Variants in SLC1A2 observed in about 807,000 individuals in gnomAD.
SLC1A2 encodes solute carrier family 1 member 2.
In SLC1A2, 15 loss-of-function variants were observed where a neutral mutation model predicts 48.8. The observed-to-expected ratio is 0.31, with a 90% CI of 0.21 to 0.47. The LOEUF is 0.47. SLC1A2 is among the 20% of genes least tolerant of loss of function. The pLI, the probability that SLC1A2 is intolerant of heterozygous loss-of-function variation, is 0.99. For synonymous variants in SLC1A2, 279 were observed against 272.6 expected (o/e 1.02, Z -0.23); for missense variants, 502 against 730.5 (o/e 0.69, Z 3.61).
intron 4 of SLC1A2, 50 bp from the exon 5 acceptor site, chr11:35,306,292 G>T: frequency 7.1e-7 from 1 of 1,407,172 alleles, no homozygotes; most frequent in Non-Finnish European, 9.7e-7. Context: ...GGCCTATAAG[G>T]TGAAAAAAAA....
At chr11:35,335,255 C>T (rs956401930) in intron 1 of SLC1A2, among the ~76,000 whole-genome samples, 1 of 152,184 alleles carries the variant, frequency 6.6e-6, no homozygotes, top group African/African-American at 2.4e-5. Context: ...CATACCCAAC[C>T]TCAACCTCAT....
intron 1 of SLC1A2, among the ~76,000 whole-genome samples, chr11:35,331,570 A>C (rs7952042): frequency 0.023 from 3,455 of 152,302 alleles, 116 homozygotes; most frequent in African/African-American, 0.078. Flanking sequence ...ATGTATATTT[A>C]TCACTCTGGT....
chr11:35,387,298 G>T (rs1390156402), intron 1 of SLC1A2, among the ~76,000 whole-genome samples: 1 of 152,108 alleles, frequency 6.6e-6, no homozygotes, highest in African/African-American at 2.4e-5. Flanking sequence ...CTCAGAGAGG[G>T]GCCCAGCTTT....
At chr11:35,373,155 G>T (rs1854112564) in intron 1 of SLC1A2, among the ~76,000 whole-genome samples, 1 of 152,194 alleles carries the variant, frequency 6.6e-6, no homozygotes, top group Non-Finnish European at 1.5e-5. Flanking sequence ...TCTCAGAGAT[G>T]GTGACTTGAT....
At chr11:35,269,032 C>T (rs146227643) in intron 9 of SLC1A2, among the ~76,000 whole-genome samples, 1 of 152,248 alleles carries the variant, frequency 6.6e-6, no homozygotes, top group African/African-American at 2.4e-5. Context: ...TAATCATCTC[C>T]AAGGTGATGG....
intron 1 of SLC1A2, among the ~76,000 whole-genome samples, chr11:35,387,419 C>T (rs1319558180): frequency 6.6e-6 from 1 of 152,162 alleles, no homozygotes; most frequent in Non-Finnish European, 1.5e-5. Flanking sequence ...GAGGCAAGAA[C>T]ATCCCCTACT....
intron 1 of SLC1A2, among the ~76,000 whole-genome samples, chr11:35,335,027 C>A (rs1483401812): frequency 6.6e-6 from 1 of 152,122 alleles, no homozygotes; most frequent in Admixed American, 6.5e-5. Context: ...CATCCAAACC[C>A]AACCCCTTTT....
chr11:35,352,772 G>A (rs978822542), intron 1 of SLC1A2, among the ~76,000 whole-genome samples: 1 of 152,174 alleles, frequency 6.6e-6, no homozygotes, highest in Admixed American at 6.5e-5. Flanking sequence ...GTTCATGCAT[G>A]GCTAAACTGC....
chr11:35,398,856 G>A lies in SLC1A2; in HGVS notation c.17+20094C>T, dbSNP rs543086062. Among the ~76,000 whole-genome samples, 17 of 152,286 alleles carry A rather than the reference G, an allele frequency of 1.1e-4. No individual in the cohort carries two copies. The East Asian group carries it at 1.9e-3, about 17-fold the overall frequency. On this transcript the variant is annotated intron_variant, in intron 1 of 10. Transcript: ENST00000278379. ...TTATCCAGGAATAGAAAGTCGTACC[G>A]CTGCCCAACTGCGTCAGAGGGGCAA... is the stretch of plus-strand genomic sequence containing the variant.
intron 1 of SLC1A2, among the ~76,000 whole-genome samples, chr11:35,390,047 C>T (rs1323330340): frequency 1.3e-5 from 2 of 152,182 alleles, no homozygotes; most frequent in African/African-American, 4.8e-5. Flanking sequence ...TAAATGGTCA[C>T]TATGACATTT....
At chr11:35,403,895 C>T (rs1174313531) in intron 1 of SLC1A2, among the ~76,000 whole-genome samples, 3 of 152,126 alleles carry the variant, frequency 2.0e-5, no homozygotes, top group African/African-American at 7.2e-5. Context: ...AGCAAGGGAA[C>T]ATCTTCATCT....
chr11:35,351,766 G>C (rs990929478), intron 1 of SLC1A2, among the ~76,000 whole-genome samples: 1 of 152,116 alleles, frequency 6.6e-6, no homozygotes, highest in African/African-American at 2.4e-5. Context: ...CTCCTGAGTA[G>C]CTGGGACTAC....
intron 1 of SLC1A2, among the ~76,000 whole-genome samples, chr11:35,415,992 C>A (rs1855592788): frequency 6.6e-6 from 1 of 152,206 alleles, no homozygotes; most frequent in African/African-American, 2.4e-5. Context: ...CTCCGTAATT[C>A]TAGCCATGAC....
rs1950344604 is a variant in SLC1A2 at position 35,258,490 on chromosome 11, C to G, written c.*2404G>C. The G allele has an allele frequency of 6.6e-6, 1 of 152,588 alleles. No individual in the cohort carries two copies. Among genetic ancestry groups the G allele is most frequent in the Admixed American group, 6.5e-5 (1 of 15,282 alleles). The allele number at this position is 152,588 out of a possible 1,614,324, so 9.5% of individuals were successfully genotyped here. ...CCATGTATATAGATCCCAAAGCTGG[C>G]CTTCCATAGCAAAAAACAACAAGCT... is the stretch of plus-strand genomic sequence containing the variant. On this transcript the variant is annotated 3_prime_UTR_variant, in exon 11 of 11. Coordinates refer to ENST00000278379, the MANE Select transcript of SLC1A2 (RefSeq NM_004171.4).
At chr11:35,278,273 G>GTTTT (rs35889672) in intron 9 of SLC1A2, among the ~76,000 whole-genome samples, 2 of 88,654 alleles carry the variant, frequency 2.3e-5, no homozygotes, top group African/African-American at 4.2e-5. Context: ...GTTTTTTTTT[G>GTTTT]TTTTTTTTTT....
At position 35,286,822 on chromosome 11, in the gene SLC1A2, T is replaced by C. The variant is rs1042113; in HGVS notation, c.1221A>G (p.Val407=). ...NMDGTALYEA[V]AAIFIAQMNG... ...TCATTTGGGCTATAAAGATGGCGGCTACCGCTTCATAAAGGGCTGTACCAT... is the reference window on the plus strand; with the variant it reads ...TCATTTGGGCTATAAAGATGGCGGCCACCGCTTCATAAAGGGCTGTACCAT... The change falls in exon 8 of 11, where the codon GTA becomes GTG. Residue 407 remains valine (V), a synonymous_variant. Coordinates refer to ENST00000278379, the MANE Select transcript of SLC1A2 (RefSeq NM_004171.4). 0.25 allele frequency: 397,757 copies of C among 1,612,998 alleles called. 50,548 individuals carry two copies. The highest frequency in any genetic ancestry group is 0.3 in the Admixed American group (18,170 of 59,982).
At chr11:35,389,298 T>C (rs930878195) in intron 1 of SLC1A2, among the ~76,000 whole-genome samples, 3 of 152,166 alleles carry the variant, frequency 2.0e-5, no homozygotes, top group Admixed American at 6.5e-5. Context: ...AGTTTCCCAT[T>C]CACATGCCCA....
In SLC1A2 at chr11:35,306,249, G is replaced by T; in HGVS notation, c.562-7C>A. The stretch of plus-strand genomic sequence containing the variant: ...TCTTCGTCACTGTTTGAATCTAACA[G>T]AGTGAGGGAAAAAAGGCATAGAGCT... On this transcript the variant is annotated splice_polypyrimidine_tract_variant and splice_region_variant and intron_variant, in intron 4 of 10. Coordinates refer to ENST00000278379, the MANE Select transcript of SLC1A2 (RefSeq NM_004171.4). 1.2e-6 allele frequency: 2 copies of T among 1,606,820 alleles called. No individual in the cohort carries two copies.
At chr11:35,284,087 T>TTTTA (rs1554993896) in intron 8 of SLC1A2, among the ~76,000 whole-genome samples, 96 of 115,860 alleles carry the variant, frequency 8.3e-4, no homozygotes, top group Non-Finnish European at 1.4e-3. Flanking sequence ...GAAGATTTTA[T>TTTTA]TATATATATA....
Sources: allele counts gnomAD v4.1 joint callset (sites outside exome capture counted in the v4.1 genomes callset), GRCh38; gene constraint gnomAD v4.1.1; transcripts MANE v1.5; gene names NCBI Gene and HGNC (gene_info 2026-07-23, HGNC 2026-07-21).